ZNF710: variants seen among roughly 807,000 people sequenced by gnomAD.
The protein encoded by ZNF710 is zinc finger protein 710.
In ZNF710, 13 loss-of-function variants were observed where a neutral mutation model predicts 50.6. The ratio of observed to expected loss-of-function variants is 0.26; its 90% CI spans 0.17 to 0.41. The LOEUF is 0.41. Ranked by LOEUF, ZNF710 falls within the 10% of genes least tolerant of loss-of-function variation. ZNF710 has a pLI of 1.00. For missense variants in ZNF710, 721 were observed against 936.6 expected, an observed-to-expected ratio of 0.77 and a Z score of 3.01; for synonymous variants, 383 against 397.0, an observed-to-expected ratio of 0.96 and a Z score of 0.42.
At chr15:90,056,496 C>T (rs1286636546) in intron 1 of ZNF710, among the ~76,000 whole-genome samples, 1 of 152,084 alleles carries the variant, frequency 6.6e-6, no homozygotes, top group African/African-American at 2.4e-5. Flanking sequence ...AAAATGATGG[C>T]ATTGGACAGG....
At chr15:90,019,088 A>T (rs1459279588) in intron 1 of ZNF710, among the ~76,000 whole-genome samples, 1 of 151,062 alleles carries the variant, frequency 6.6e-6, no homozygotes, top group Non-Finnish European at 1.5e-5. Context: ...ACCACCTATA[A>T]TTATTAATAT....
chr15:90,035,128 C>T (rs537009411), intron 1 of ZNF710, among the ~76,000 whole-genome samples: 2 of 152,332 alleles, frequency 1.3e-5, no homozygotes, highest in Non-Finnish European at 2.9e-5. Flanking sequence ...CCAGGCTGGG[C>T]ACAGGCACAT....
chr15:90,054,089 C>G (rs1451364561), intron 1 of ZNF710, among the ~76,000 whole-genome samples: 2 of 151,834 alleles, frequency 1.3e-5, no homozygotes, highest in Non-Finnish European at 2.9e-5. Flanking sequence ...CCTGAGATGA[C>G]AAGAGAACAT....
At chr15:90,076,256 C>T (rs959126792) in intron 4 of ZNF710, 3 of 152,222 alleles carry the variant, frequency 2.0e-5, no homozygotes, top group Non-Finnish European at 1.5e-5. Context: ...TGTAAGTGAT[C>T]TGGAATGTGG....
intron 1 of ZNF710, among the ~76,000 whole-genome samples, chr15:90,017,532 G>A (rs1436815099): frequency 6.6e-6 from 1 of 151,872 alleles, no homozygotes; most frequent in African/African-American, 2.4e-5. Context: ...GTCCTTTTGG[G>A]CTGAGGAATG....
Position 90,025,407 on chromosome 15 carries a change from G to A in ZNF710, c.-29+23793G>A, listed in dbSNP as rs375862591. The stretch of plus-strand genomic sequence containing the variant: ...TATTATTAAAATAGTCAACCTTATG[G>A]TTTATGTAGACAATCTGATAAACAC... On this transcript the variant is annotated intron_variant, in intron 1 of 4. Coordinates refer to ENST00000268154, the MANE Select transcript of ZNF710 (RefSeq NM_198526.4). The A allele has an allele frequency of 1.2e-4, 19 of 152,226 alleles. No homozygotes were observed. The East Asian group carries it at 3.5e-3, about 28-fold the overall frequency. 9.4% of individuals were successfully genotyped at this position (152,226 alleles called of 1,614,324 possible).
rs777975668 is a variant in ZNF710, at chr15:90,074,262, C to T, written c.1797C>T (p.Gly599=). The change falls in exon 4 of 5, where the codon GGC becomes GGT. Residue 599 remains glycine, a synonymous_variant. Coordinates refer to ENST00000268154, the MANE Select transcript of ZNF710 (RefSeq NM_198526.4). The stretch of plus-strand genomic sequence containing the variant: ...GCCGGCACATGAAGGTCAAGCATGG[C>T]GTCATGGACATCGGCCTGGACAGCC... ...NLSRHMKVKH[G]VMDIGLDSQD... 1.2e-5 allele frequency: 20 copies of T among 1,613,572 alleles called. No homozygotes were observed. The highest frequency in any genetic ancestry group is 1.5e-5 in the Non-Finnish European group (18 of 1,179,992).
intron 1 of ZNF710, among the ~76,000 whole-genome samples, chr15:90,043,588 G>T (rs1388579046): frequency 6.6e-6 from 1 of 152,198 alleles, no homozygotes; most frequent in Non-Finnish European, 1.5e-5. Flanking sequence ...TTAACTTGCA[G>T]TGCTCAGCCT....
At chr15:90,030,468 C>T (rs1305693266) in intron 1 of ZNF710, among the ~76,000 whole-genome samples, 3 of 151,842 alleles carry the variant, frequency 2.0e-5, no homozygotes, top group Admixed American at 1.3e-4. Flanking sequence ...TTCAGCAAAT[C>T]GTAAGCCTTC....
chr15:90,028,839 G>A (rs1184892820), intron 1 of ZNF710, among the ~76,000 whole-genome samples: 1 of 152,066 alleles, frequency 6.6e-6, no homozygotes, highest in Non-Finnish European at 1.5e-5. Flanking sequence ...ATTGCTTGTG[G>A]CATCCAGATA....
At chr15:90,026,739 G>A (rs1189807326) in intron 1 of ZNF710, among the ~76,000 whole-genome samples, 1 of 152,170 alleles carries the variant, frequency 6.6e-6, no homozygotes, top group Non-Finnish European at 1.5e-5. Context: ...GCTTAATATA[G>A]TAACTACGTC....
At chr15:90,058,446 A>G (rs142152981) in intron 1 of ZNF710, among the ~76,000 whole-genome samples, 2 of 152,260 alleles carry the variant, frequency 1.3e-5, no homozygotes, top group East Asian at 3.9e-4. Context: ...TAGAACTCTC[A>G]GGCAAGAGTT....
At chr15:90,031,755 G>A (rs1207486581) in intron 1 of ZNF710, among the ~76,000 whole-genome samples, 1 of 152,156 alleles carries the variant, frequency 6.6e-6, no homozygotes, top group Middle Eastern at 3.2e-3. Flanking sequence ...AGTTGCCTGG[G>A]TCCAGCCCCA....
intron 1 of ZNF710, among the ~76,000 whole-genome samples, chr15:90,048,985 A>G (rs1257256460): frequency 6.6e-6 from 1 of 152,108 alleles, no homozygotes; most frequent in African/African-American, 2.4e-5. Flanking sequence ...ACTTGATCTC[A>G]TTACTTTTTC....
intron 1 of ZNF710, among the ~76,000 whole-genome samples, chr15:90,009,831 C>G (rs969510942): frequency 2.6e-5 from 4 of 152,042 alleles, no homozygotes; most frequent in Non-Finnish European, 5.9e-5. Flanking sequence ...TTCAGCCCAG[C>G]CCACTCTCAC....
chr15:90,042,527 T>A (rs1232010218), intron 1 of ZNF710, among the ~76,000 whole-genome samples: 1 of 152,150 alleles, frequency 6.6e-6, no homozygotes, highest in African/African-American at 2.4e-5. Flanking sequence ...TCAGTCTTCC[T>A]CCACTCAGCC....
At chr15:90,044,037 G>GT (rs1899382852) in intron 1 of ZNF710, among the ~76,000 whole-genome samples, 1 of 152,158 alleles carries the variant, frequency 6.6e-6, no homozygotes, top group African/African-American at 2.4e-5. Flanking sequence ...GGGAGAATAT[G>GT]TTTTTTCTCC....
chr15:90,041,512 C>T (rs1388369979), intron 1 of ZNF710, among the ~76,000 whole-genome samples: 1 of 152,136 alleles, frequency 6.6e-6, no homozygotes, highest in Non-Finnish European at 1.5e-5. Context: ...TTCTTTATAT[C>T]TTTTTCAAAG....
chr15:90,043,169 C>G (rs1212065782), intron 1 of ZNF710, among the ~76,000 whole-genome samples: 1 of 152,218 alleles, frequency 6.6e-6, no homozygotes, highest in Non-Finnish European at 1.5e-5. Context: ...GTGGACACGG[C>G]CCAGGCAGGG....
Sources: gnomAD v4.1 joint callset for allele counts (sites outside exome capture counted in the v4.1 genomes callset) on GRCh38, gnomAD v4.1.1 for gene constraint, MANE v1.5 for transcripts, NCBI Gene and HGNC (gene_info 2026-07-23, HGNC 2026-07-21) for gene names.